NIBAN3: variants seen among roughly 807,000 people sequenced by gnomAD.
NIBAN3 encodes protein Niban 3.
Under a neutral mutation model 76.4 loss-of-function variants are expected in NIBAN3, and 66 were observed. The observed-to-expected ratio is 0.86, with a 90% CI of 0.71 to 1.06. NIBAN3 has a LOEUF of 1.06. Ranked by LOEUF, NIBAN3 falls within the 50% of genes least tolerant of loss-of-function variation. The pLI, the probability that NIBAN3 is intolerant of heterozygous loss-of-function variation, is 0.00. For missense variants in NIBAN3, 808 were observed against 810.7 expected (o/e 1.00, Z 0.04); for synonymous variants, 360 against 355.2 (o/e 1.01, Z -0.15).
At chr19:17,548,150 T>C (rs1405176182) in intron 13 of NIBAN3, among the ~76,000 whole-genome samples, 1 of 152,188 alleles carries the variant, frequency 6.6e-6, no homozygotes, top group Non-Finnish European at 1.5e-5. Context: ...ATTCATGGAT[T>C]AATTAATGCC....
intron 12 of NIBAN3, among the ~76,000 whole-genome samples, chr19:17,544,336 C>A (rs1465442116): frequency 6.6e-6 from 1 of 152,222 alleles, no homozygotes; most frequent in East Asian, 1.9e-4. Context: ...GGAGCTGGGT[C>A]AGGTGGCTTT....
chr19:17,553,205 A>G lies in NIBAN3; in HGVS notation c.*1307A>G. 6.8e-7 allele frequency: 1 copy of G among 1,480,544 alleles called. No individual in the cohort carries two copies. Among genetic ancestry groups the G allele is most frequent in the Non-Finnish European group, 9.0e-7 (1 of 1,111,560 alleles). 91.7% of individuals were successfully genotyped at this position (1,480,544 alleles called of 1,614,324 possible). A position where few individuals can be genotyped will look rare whatever the true frequency, so the allele number is the denominator to read the frequency against. ...GAGTGTTTGCATTTTTCTTATTGAT[A>G]TCTAATAACTCTTTATATCTGAAGG... On this transcript the variant is annotated 3_prime_UTR_variant, in exon 15 of 15. Coordinates refer to ENST00000599164, the MANE Select transcript of NIBAN3 (RefSeq NM_001321827.2).
In NIBAN3 at chr19:17,551,868, AC is replaced by A. The variant is rs755121769; in HGVS notation, c.1835del (p.Pro612ArgfsTer41). 1.0e-5 allele frequency: 8 copies of A among 779,962 alleles called. No homozygotes were observed. In the East Asian group the frequency reaches 1.9e-4, roughly 19 times the overall value. 48.3% of individuals were successfully genotyped at this position (779,962 alleles called of 1,614,324 possible). On this transcript the variant is annotated frameshift_variant, in exon 15 of 15. Transcript: ENST00000599164. LOFTEE classifies it high-confidence loss of function. ...SGAQIQPLCP[P>X]PSPGTFRS ...GTGCCCAGATCCAGCCACTCTGCCC[AC>A]CGCCTTCTCCAGGAACATTCCGGAG...
chr19:17,530,847 C>T lies in NIBAN3; in HGVS notation c.148C>T (p.Pro50Ser). ...GCGGCAGATCTCTCGAGAGCTGGGC[C>T]CTCAGGAGCCGACCGGAAGCCAGTT... ...VLRQISRELGPQEPTGSQLLR... is the reference protein window; with the variant it reads ...VLRQISRELGSQEPTGSQLLR... Residue 50 changes from proline to serine, a missense_variant, in exon 2 of 15, where the codon CCT becomes TCT. Pro to Ser is a moderately conservative substitution (Grantham distance 74). Transcript: ENST00000599164. 1.2e-6 allele frequency: 2 copies of T among 1,613,520 alleles called. No individual in the cohort carries two copies. The highest frequency in any genetic ancestry group is 8.5e-7 in the Non-Finnish European group (1 of 1,179,876).
intron 5 of NIBAN3, 26 bp downstream of exon 5, chr19:17,537,569 T>C: frequency 6.5e-7 from 1 of 1,548,892 alleles, no homozygotes; most frequent in Non-Finnish European, 8.7e-7. Flanking sequence ...GGTCAGACAT[T>C]TGTGGGGCTA....
chr19:17,532,534 T>C, intron 3 of NIBAN3, 146 bp downstream of exon 3: 1 of 1,333,338 alleles, frequency 7.5e-7, no homozygotes, highest in African/African-American at 1.4e-5. Flanking sequence ...GTGTTTGGCC[T>C]GTTGTAGGCA....
At chr19:17,543,145 C>G (rs769263563) in intron 10 of NIBAN3, among the ~76,000 whole-genome samples, 172 bp from the exon 11 acceptor site, 1 of 152,146 alleles carries the variant, frequency 6.6e-6, no homozygotes, top group Non-Finnish European at 1.5e-5. Flanking sequence ...ACTAGACAAT[C>G]CCCAGGTCCT....
Position 17,553,251 on chromosome 19 carries a change from A to T in NIBAN3, c.*1353A>T. The T allele has an allele frequency of 2.5e-6, 4 of 1,582,072 alleles. No individual in the cohort carries two copies. Among genetic ancestry groups the T allele is most frequent in the Non-Finnish European group, 3.4e-6 (4 of 1,164,682 alleles). On this transcript the variant is annotated 3_prime_UTR_variant, in exon 15 of 15. Coordinates refer to ENST00000599164, the MANE Select transcript of NIBAN3 (RefSeq NM_001321827.2). ...GAAGGATATGAACGCTTTGTGATACAGGTTACAGATTTTGGGGTTTTTTTC... is the reference window on the plus strand; with the variant it reads ...GAAGGATATGAACGCTTTGTGATACTGGTTACAGATTTTGGGGTTTTTTTC...
upstream of NIBAN3, among the ~76,000 whole-genome samples, chr19:17,526,648 T>C (rs1185656198): frequency 7.2e-6 from 1 of 138,982 alleles, no homozygotes; most frequent in Non-Finnish European, 1.6e-5. Context: ...ACCCTGTCTC[T>C]AAAAAAAAAA....
chr19:17,548,469 T>C (rs1246736249), intron 13 of NIBAN3, among the ~76,000 whole-genome samples: 5 of 151,764 alleles, frequency 3.3e-5, no homozygotes, highest in Non-Finnish European at 7.4e-5. Flanking sequence ...GAACAGAGTC[T>C]AGGAGGGAGG....
In NIBAN3 at chr19:17,549,603, A is replaced by G. The variant is rs780435126; in HGVS notation, c.1750+76A>G. The G allele has an allele frequency of 6.1e-6, 7 of 1,144,998 alleles. No homozygotes were observed. In the East Asian group the frequency reaches 1.6e-4, roughly 27 times the overall value. 70.9% of individuals were successfully genotyped at this position (1,144,998 alleles called of 1,614,324 possible). On this transcript the variant is annotated intron_variant, in intron 14 of 14. Transcript: ENST00000599164. Reference sequence around the variant, plus strand: ...GGAGGTGGAGGCCCACATGGGGTGTATGGGATTGTCATGAGTGTGGGTTCA... The same window carrying G: ...GGAGGTGGAGGCCCACATGGGGTGTGTGGGATTGTCATGAGTGTGGGTTCA...
chr19:17,549,628 A>G (rs1309346667), intron 14 of NIBAN3, 101 bp downstream of exon 14: 1 of 964,964 alleles, frequency 1.0e-6, no homozygotes, highest in Admixed American at 1.7e-5. Context: ...GTGTGGGTTC[A>G]TGGACGGAAC....
At chr19:17,547,520 A>T (rs1454475015) in intron 13 of NIBAN3, among the ~76,000 whole-genome samples, 1 of 147,504 alleles carries the variant, frequency 6.8e-6, no homozygotes, top group Non-Finnish European at 1.5e-5. Context: ...ACGCCCGGCT[A>T]ATTTTTGTAT....
intron 3 of NIBAN3, 132 bp downstream of exon 3, chr19:17,532,520 C>T (rs911255783): frequency 5.5e-6 from 8 of 1,446,516 alleles, no homozygotes; most frequent in Non-Finnish European, 7.7e-6. Flanking sequence ...TCTTGTGCCC[C>T]TATGTGTTTG....
chr19:17,551,441 C>G (rs1003847796), intron 14 of NIBAN3, among the ~76,000 whole-genome samples: 4 of 151,358 alleles, frequency 2.6e-5, no homozygotes, highest in African/African-American at 4.9e-5. Context: ...GAGTTTCGCT[C>G]TTGTCACCCG....
In NIBAN3 at chr19:17,542,350, C is replaced by G. The variant is rs113206148; in HGVS notation, c.1329+56C>G. On this transcript the variant is annotated intron_variant, in intron 10 of 14. Transcript: ENST00000599164. The surrounding 1 kb of genome is among the most constrained non-coding windows in gnomAD (Gnocchi z 4.8). ...AGGCTGTGAAGACAGCCTCCACTGACCTCCTGCTAAGTGTGCCCTGGAGAG... is the reference window on the plus strand; with the variant it reads ...AGGCTGTGAAGACAGCCTCCACTGAGCTCCTGCTAAGTGTGCCCTGGAGAG... The G allele has an allele frequency of 9.4e-4, 1,436 of 1,525,914 alleles. 7 individuals are homozygous for G. The African/African-American group carries it at 0.017, about 18-fold the overall frequency. 94.5% of individuals were successfully genotyped at this position (1,525,914 alleles called of 1,614,324 possible).
chr19:17,537,348 G>C (rs1462487312), intron 4 of NIBAN3, 28 bp from the exon 5 acceptor site: 4 of 1,608,828 alleles, frequency 2.5e-6, no homozygotes, highest in African/African-American at 2.7e-5. Context: ...TGAACGTCTA[G>C]AAGATGCGAC....
At chr19:17,554,640 C>T (rs1193352415), downstream of NIBAN3, among the ~76,000 whole-genome samples, 4 of 151,510 alleles carry the variant, frequency 2.6e-5, no homozygotes, top group South Asian at 8.3e-4. Context: ...ATTAGCCGGG[C>T]GTGGTGGCGC....
At chr19:17,535,648 C>T (rs1300602770) in intron 4 of NIBAN3, among the ~76,000 whole-genome samples, 1 of 151,052 alleles carries the variant, frequency 6.6e-6, no homozygotes, top group East Asian at 1.9e-4. Context: ...CTCAGGAGAC[C>T]GAGGCAGGAG....
Sources: gnomAD v4.1 joint callset for allele counts (sites outside exome capture counted in the v4.1 genomes callset) on GRCh38, gnomAD v4.1.1 for gene constraint, Gnocchi (gnomAD v3.1) non-coding constraint, MANE v1.5 for transcripts, NCBI Gene and HGNC (gene_info 2026-07-23, HGNC 2026-07-21) for gene names.